NOA1: variants seen among roughly 807,000 people sequenced by gnomAD.
NOA1 encodes the protein nitric oxide associated 1.
In NOA1, 35 loss-of-function variants were observed where a neutral mutation model predicts 58.4. The observed-to-expected ratio is 0.60, with a 90% confidence interval of 0.46 to 0.79. NOA1 has a LOEUF of 0.79. Ranked by LOEUF, NOA1 falls within the 30% of genes least tolerant of loss-of-function variation. The pLI is 0.00. For missense variants in NOA1, 895 were observed against 894.6 expected, an observed-to-expected ratio of 1.00 and a Z score of -0.01; for synonymous variants, 397 against 373.4, an observed-to-expected ratio of 1.06 and a Z score of -0.73.
rs779632295 is a variant in NOA1, at chr4:56,977,337, C to A, written c.249G>T (p.Pro83=). The change falls in exon 1 of 7, where the codon CCG becomes CCT. Residue 83 remains proline, a synonymous_variant. Coordinates refer to ENST00000264230, the MANE Select transcript of NOA1 (RefSeq NM_032313.4). The stretch of plus-strand genomic sequence containing the variant: ...GCAGCTGCTTTTCGCGGGTGGGTTG[C>A]GGCTCCGGATCCAGGATGTACTCCG... The part of the protein sequence containing the change: ...LFPEYILDPE[P]QPTREKQLQE... 2.5e-6 allele frequency: 4 copies of A among 1,614,146 alleles called. No homozygotes were observed. In the South Asian group the frequency reaches 3.3e-5, roughly 13 times the overall value.
In NOA1 at chr4:56,963,509, T is replaced by G; in HGVS notation, c.2038A>C (p.Lys680Gln). 3 of 1,614,142 alleles carry G rather than the reference T, an allele frequency of 1.9e-6. No individual in the cohort carries two copies. The highest frequency in any genetic ancestry group is 2.5e-6 in the Non-Finnish European group (3 of 1,180,038). Residue 680 changes from lysine (K) to glutamine (Q), a missense_variant, in exon 7 of 7, where the codon AAG becomes CAG. Physicochemically the swap from Lys to Gln is moderately conservative, Grantham distance 53 (BLOSUM62 1). This residue lies in a region of NOA1 where 212 missense variants were observed against 221.3 expected (regional missense o/e 0.96). Transcript: ENST00000264230. ...TTGTACATAAGGGAAGGAGGCTTCT[T>G]GGTTTTATAGGCCACACTTTTCTTG... Reference protein sequence around the residue: ...RIKKSVAYKTKKPPSLMYNVR... With the variant: ...RIKKSVAYKTQKPPSLMYNVR...
rs768813536 is a variant in NOA1 at position 56,973,211 on chromosome 4, A to G, written c.1452T>C (p.Thr484=). Reference sequence around the variant, plus strand: ...AGTGGGCATCTTTCACATCTTGTGCAGTCAATTCTACTTGTTTGGTGGATT... The same window carrying G: ...AGTGGGCATCTTTCACATCTTGTGCGGTCAATTCTACTTGTTTGGTGGATT... The part of the protein sequence containing the change: ...THKSTKQVEL[T]AQDVKDAHWF... The change falls in exon 3 of 7, where the codon ACT becomes ACC. Residue 484 remains threonine (T), a synonymous_variant. Coordinates refer to ENST00000264230, the MANE Select transcript of NOA1 (RefSeq NM_032313.4). The G allele has an allele frequency of 1.2e-6, 2 of 1,614,154 alleles. No homozygotes were observed. Among genetic ancestry groups the G allele is most frequent in the East Asian group, 2.2e-5 (1 of 44,864 alleles).
Position 56,976,600 on chromosome 4 carries a change from G to A in NOA1, c.986C>T (p.Ser329Phe). 6.2e-7 allele frequency: 1 copy of A among 1,614,236 alleles called. No homozygotes were observed. Among genetic ancestry groups the A allele is most frequent in the Non-Finnish European group, 8.5e-7 (1 of 1,180,040 alleles). ...KTGYGVEELISALQRSWRYRG... is the reference protein window; with the variant it reads ...KTGYGVEELIFALQRSWRYRG... ...GTAGCGCCAGGAGCGCTGAAGGGCA[G>A]AGATCAACTCTTCCACTCCATAGCC... The change falls in exon 1 of 7, where the codon TCT becomes TTT. Residue 329 changes from serine to phenylalanine, a missense_variant. This residue lies in a region of NOA1 where 680 missense variants were observed against 656.5 expected (regional missense o/e 1.04). Coordinates refer to ENST00000264230, the MANE Select transcript of NOA1 (RefSeq NM_032313.4).
In NOA1 at chr4:56,976,631, T is replaced by C; in HGVS notation, c.955A>G (p.Lys319Glu). ...VVRDVRLISA[K>E]TGYGVEELIS... ...AACTCTTCCACTCCATAGCCGGTCT[T>C]GGCGCTGATCAGCCGCACGTCCCTG... Residue 319 changes from lysine (K) to glutamate (E), a missense_variant, in exon 1 of 7, where the codon AAG becomes GAG. Coordinates refer to ENST00000264230, the MANE Select transcript of NOA1 (RefSeq NM_032313.4). The C allele has an allele frequency of 6.2e-7, 1 of 1,614,196 alleles. No individual in the cohort carries two copies. The highest frequency in any genetic ancestry group is 1.7e-5 in the Admixed American group (1 of 60,028).
intron 5 of NOA1, among the ~76,000 whole-genome samples, chr4:56,966,016 T>C (rs1389582731): frequency 1.5e-5 from 2 of 132,570 alleles, no homozygotes; most frequent in Non-Finnish European, 3.1e-5. Context: ...TGAGCAAATT[T>C]TCTTTTTTTT....
intron 2 of NOA1, 110 bp downstream of exon 2, chr4:56,973,748 G>T: frequency 2.0e-6 from 2 of 1,019,912 alleles, no homozygotes; most frequent in Non-Finnish European, 3.0e-6. Flanking sequence ...AATAAGGAAG[G>T]CAGTCTCTCC....
Position 56,976,929 on chromosome 4 carries a change from G to A in NOA1, c.657C>T (p.Tyr219=). ...LRRPGPSLVL[Y]MVDLLDLPDA... ...CGGGCAGGTCCAGCAGGTCCACCAT[G>A]TAGAGCACCAGGGAGGGGCCGGGCC... Residue 219 remains tyrosine, a synonymous_variant, in exon 1 of 7, where the codon TAC becomes TAT. Transcript: ENST00000264230. The A allele has an allele frequency of 6.2e-7, 1 of 1,609,674 alleles. No individual in the cohort carries two copies. Among genetic ancestry groups the A allele is most frequent in the Admixed American group, 1.7e-5 (1 of 59,978 alleles).
chr4:56,966,598 C>T, intron 5 of NOA1, 22 bp downstream of exon 5: 1 of 1,393,094 alleles, frequency 7.2e-7, no homozygotes. Flanking sequence ...CATAACCATG[C>T]AATCAAGGCA....
chr4:56,971,206 G>A (rs998389538), intron 3 of NOA1, among the ~76,000 whole-genome samples: 17 of 151,010 alleles, frequency 1.1e-4, no homozygotes, highest in African/African-American at 1.7e-4. Context: ...CCAGCTACTC[G>A]AGAGGCTGAG....
chr4:56,963,544 C>T lies in NOA1; in HGVS notation c.2003G>A (p.Gly668Glu). The T allele has an allele frequency of 6.2e-7, 1 of 1,613,916 alleles. No homozygotes were observed. Residue 668 changes from glycine (G) to glutamate (E), a missense_variant, in exon 7 of 7, where the codon GGA becomes GAA. Gly to Glu is a moderately conservative substitution (Grantham distance 98, BLOSUM62 -2). Transcript: ENST00000264230. ...GGCCACACTTTTCTTGATGCGCTGT[C>T]CTTTGATGTTAACAATATATGGCAA... Reference protein sequence around the residue: ...PLLPYIVNIKGQRIKKSVAYK... With the variant: ...PLLPYIVNIKEQRIKKSVAYK...
chr4:56,974,939 GT>G (rs1721874569), intron 1 of NOA1, among the ~76,000 whole-genome samples: 1 of 152,088 alleles, frequency 6.6e-6, no homozygotes, highest in Non-Finnish European at 1.5e-5. Flanking sequence ...CTGACCTCAG[GT>G]GATCTGCCCA....
At chr4:56,974,658 A>T (rs1334416949) in intron 1 of NOA1, among the ~76,000 whole-genome samples, 1 of 152,036 alleles carries the variant, frequency 6.6e-6, no homozygotes, top group Non-Finnish European at 1.5e-5. Flanking sequence ...TCTCAAAAAA[A>T]AAAAAAAAAA....
At chr4:56,972,537 A>G (rs923211354) in intron 3 of NOA1, among the ~76,000 whole-genome samples, 2 of 152,194 alleles carry the variant, frequency 1.3e-5, no homozygotes, top group African/African-American at 4.8e-5. Flanking sequence ...TCAGCTCAGT[A>G]CACTCAATAC....
In NOA1 at chr4:56,977,535, T is replaced by C. The variant is rs377185115; in HGVS notation, c.51A>G (p.Gly17=). 119 of 1,612,040 alleles carry C rather than the reference T, an allele frequency of 7.4e-5. No homozygotes were observed. Among genetic ancestry groups the C allele is most frequent in the African/African-American group, 4.0e-4 (30 of 74,872 alleles). Residue 17 remains glycine, a synonymous_variant, in exon 1 of 7, where the codon GGA becomes GGG. Transcript: ENST00000264230. ...PFRLLSLFLR[G]SAPTAARHGL... ...CATGGCGCGCTGCCGTGGGAGCGGA[T>C]CCACGAAGGAAAAGGCTCAGCAGCC... is the stretch of plus-strand genomic sequence containing the variant.
chr4:56,977,144 G>A lies in NOA1; in HGVS notation c.442C>T (p.Leu148=), dbSNP rs1252387422. 6.4e-7 allele frequency: 1 copy of A among 1,557,236 alleles called. No individual in the cohort carries two copies. The change falls in exon 1 of 7, where the codon CTG becomes TTG. Residue 148 remains leucine, a synonymous_variant. Transcript: ENST00000264230. ...GGCACTCCGGCGTCCTGGCAGTGCA[G>A]CTCTGCCCCACAGCCCGAGCAGTTC... The part of the protein sequence containing the change: ...GVNCSGCGAE[L]HCQDAGVPGY...
chr4:56,976,344 C>T (rs1721920002), intron 1 of NOA1, 98 bp downstream of exon 1: 3 of 1,040,048 alleles, frequency 2.9e-6, no homozygotes, highest in African/African-American at 3.2e-5. Context: ...TACAGGCAGC[C>T]CGCAGTGGAC....
At chr4:56,974,079 AACATT>A in intron 1 of NOA1, 57 bp from the exon 2 acceptor site, 3 of 1,095,588 alleles carry the variant, frequency 2.7e-6, no homozygotes, top group Non-Finnish European at 1.2e-6. Flanking sequence ...GAAGAAAATG[AACATT>A]TTTGAGGATC....
Position 56,976,554 on chromosome 4 carries a change from C to T in NOA1, c.1032G>A (p.Val344=), listed in dbSNP as rs145154138. 8.9e-5 allele frequency: 144 copies of T among 1,614,124 alleles called. No homozygotes were observed. The highest frequency in any genetic ancestry group is 1.2e-4 in the Non-Finnish European group (138 of 1,180,050). The stretch of plus-strand genomic sequence containing the variant: ...TGGATTTGCCGGCGTTGGTGGCGCC[C>T]ACTAAGTAGACGTCCCCACGGTAGC... The part of the protein sequence containing the change: ...SWRYRGDVYL[V]GATNAGKSTL... The change falls in exon 1 of 7, where the codon GTG becomes GTA. Residue 344 remains valine (V), a synonymous_variant. Coordinates refer to ENST00000264230, the MANE Select transcript of NOA1 (RefSeq NM_032313.4).
Position 56,966,662 on chromosome 4 carries a change from T to A in NOA1, c.1722A>T (p.Ala574=), listed in dbSNP as rs1317530934. Reference sequence around the variant, plus strand: ...CTGCATGCTTCTGATACAGAGCGTCTGCCCTGTCCAAGGAGGTGATATGCA... The same window carrying A: ...CTGCATGCTTCTGATACAGAGCGTCAGCCCTGTCCAAGGAGGTGATATGCA... ...LPVHITSLDR[A]DALYQKHAGH... is the part of the protein sequence containing the mutation. The change falls in exon 5 of 7, where the codon GCA becomes GCT. Residue 574 remains alanine (A), a synonymous_variant. Coordinates refer to ENST00000264230, the MANE Select transcript of NOA1 (RefSeq NM_032313.4). 6.2e-7 allele frequency: 1 copy of A among 1,613,260 alleles called. No individual in the cohort carries two copies. The highest frequency in any genetic ancestry group is 1.3e-5 in the African/African-American group (1 of 74,906).
Sources: gnomAD v4.1 joint callset for allele counts (sites outside exome capture counted in the v4.1 genomes callset) on GRCh38, gnomAD v4.1.1 for gene constraint, gnomAD v4.1.1 regional missense constraint, MANE v1.5 for transcripts, NCBI Gene and HGNC (gene_info 2026-07-23, HGNC 2026-07-21) for gene names.